The following SPECC1 variants were observed in gnomAD, a reference collection of about 807,000 sequenced individuals.
SPECC1 encodes the protein sperm antigen with calponin homology and coiled-coil domains 1.
SPECC1 carries 62 observed loss-of-function variants against 104.1 expected under a neutral mutation model. The ratio of observed to expected loss-of-function variants is 0.60; its 90% CI spans 0.49 to 0.74. The LOEUF is 0.74. SPECC1 is among the 30% of genes least tolerant of loss of function. The pLI, the probability that SPECC1 is intolerant of heterozygous loss-of-function variation, is 0.00. For synonymous variants in SPECC1, 513 were observed against 501.6 expected (o/e 1.02, Z -0.30); for missense variants, 1,306 against 1,310.5 (o/e 1.00, Z 0.05).
chr17:20,044,214 T>A (rs1597607396), intron 1 of SPECC1, among the ~76,000 whole-genome samples: 1 of 152,206 alleles, frequency 6.6e-6, no homozygotes. Flanking sequence ...AGAACTTGTT[T>A]CTCTTGCTGA....
intron 3 of SPECC1, among the ~76,000 whole-genome samples, chr17:20,186,597 C>G (rs1333683500): frequency 6.6e-6 from 1 of 152,202 alleles, no homozygotes; most frequent in Admixed American, 6.5e-5. Flanking sequence ...GGGTCTCACT[C>G]CCATCGCTCA....
intron 7 of SPECC1, among the ~76,000 whole-genome samples, chr17:20,239,878 G>GTTT (rs60216339): frequency 1.9e-4 from 7 of 36,946 alleles, no homozygotes; most frequent in African/African-American, 3.6e-4. Context: ...ATTTCGCTGA[G>GTTT]TTTTTTTTTT....
chr17:20,023,965 G>A (rs1258172053), intron 1 of SPECC1, among the ~76,000 whole-genome samples: 4 of 152,164 alleles, frequency 2.6e-5, no homozygotes, highest in South Asian at 4.1e-4. Flanking sequence ...CCAAATTTAC[G>A]TGTGATGTGT....
In SPECC1 at chr17:20,009,914, T is replaced by G. The variant is rs2043876303; in HGVS notation, c.-22+490T>G. The G allele has an allele frequency of 6.6e-6, 1 of 152,362 alleles. No individual in the cohort carries two copies. The highest frequency in any genetic ancestry group is 2.1e-4 in the South Asian group (1 of 4,838). The allele number at this position is 152,362 out of a possible 1,614,324, so 9.4% of individuals were successfully genotyped here. On this transcript the variant is annotated intron_variant, in intron 1 of 14. Transcript: ENST00000395527. This position sits in a 1 kb window ranked among gnomAD's most constrained non-coding sequence, Gnocchi z 5.2. ...CGTGGTGCAGAGGACCGAGAAGCCCTTCGCCCTCGGCGTCCGCCGCGCTCC... is the reference window on the plus strand; with the variant it reads ...CGTGGTGCAGAGGACCGAGAAGCCCGTCGCCCTCGGCGTCCGCCGCGCTCC...
At chr17:20,270,560 C>A (rs1329972256) in intron 12 of SPECC1, among the ~76,000 whole-genome samples, 2 of 149,738 alleles carry the variant, frequency 1.3e-5, no homozygotes, top group Non-Finnish European at 3.0e-5. Flanking sequence ...TCAAGGCCTC[C>A]GTGAGCTATG....
At chr17:20,230,099 C>T (rs2038480005) in intron 5 of SPECC1, among the ~76,000 whole-genome samples, 1 of 151,880 alleles carries the variant, frequency 6.6e-6, no homozygotes. Flanking sequence ...GTTGATGAGC[C>T]TGGCTTGTTT....
chr17:20,183,869 T>C (rs923103301), intron 3 of SPECC1, among the ~76,000 whole-genome samples: 3 of 152,076 alleles, frequency 2.0e-5, no homozygotes, highest in Admixed American at 1.3e-4. Flanking sequence ...TATGAAATTT[T>C]ATTAAATAAG....
intron 14 of SPECC1, among the ~76,000 whole-genome samples, chr17:20,312,886 T>G (rs1238212086): frequency 6.6e-6 from 1 of 152,218 alleles, no homozygotes; most frequent in Non-Finnish European, 1.5e-5. Flanking sequence ...AGGGGATGAA[T>G]GGCTCATTAA....
At chr17:20,215,443 TG>T (rs1229595165) in intron 4 of SPECC1, among the ~76,000 whole-genome samples, 1 of 152,184 alleles carries the variant, frequency 6.6e-6, no homozygotes, top group Non-Finnish European at 1.5e-5. Flanking sequence ...GAGGCAGTTA[TG>T]GGGGGTTTAT....
chr17:20,300,200 A>G (rs1370727725), intron 13 of SPECC1, among the ~76,000 whole-genome samples: 1 of 152,178 alleles, frequency 6.6e-6, no homozygotes, highest in Non-Finnish European at 1.5e-5. Context: ...CACACCTGGG[A>G]ACCCCAGTGT....
intron 3 of SPECC1, among the ~76,000 whole-genome samples, chr17:20,133,082 A>G (rs1018223653): frequency 5.9e-5 from 9 of 151,918 alleles, no homozygotes; most frequent in African/African-American, 1.9e-4. Flanking sequence ...ATCCTTTTTG[A>G]GTCTGTGGAG....
chr17:20,237,307 T>A, intron 7 of SPECC1: 2 of 1,062,030 alleles, frequency 1.9e-6, no homozygotes, highest in Non-Finnish European at 2.2e-6. Context: ...TTGTTGTTGT[T>A]TTGTTTTGTT....
At chr17:20,190,444 A>G (rs966789872) in intron 3 of SPECC1, among the ~76,000 whole-genome samples, 1 of 152,078 alleles carries the variant, frequency 6.6e-6, no homozygotes, top group African/African-American at 2.4e-5. Context: ...CTCTTCTCAA[A>G]GGTAAACACT....
At chr17:20,191,854 C>A (rs565572820) in intron 3 of SPECC1, among the ~76,000 whole-genome samples, 18 of 152,178 alleles carry the variant, frequency 1.2e-4, no homozygotes, top group African/African-American at 4.3e-4. Context: ...AGCAGCTTTT[C>A]ATAGCTCATT....
Position 20,189,397 on chromosome 17 carries a change from A to G in SPECC1, c.284-14936A>G, listed in dbSNP as rs185710736. Among the ~76,000 whole-genome samples, 8 of 152,302 alleles carry G rather than the reference A, an allele frequency of 5.3e-5. No individual in the cohort carries two copies. In the South Asian group the frequency reaches 8.3e-4, roughly 16 times the overall value. The stretch of plus-strand genomic sequence containing the variant: ...CGCTCCTCCAGCCACTTCAGTTTCA[A>G]TGGAAATTTGATGTCCCTGCCTGCT... On this transcript the variant is annotated intron_variant, in intron 3 of 14. Transcript: ENST00000395527.
chr17:20,222,060 G>A (rs1024650018), intron 4 of SPECC1, among the ~76,000 whole-genome samples: 12 of 150,258 alleles, frequency 8.0e-5, no homozygotes, highest in African/African-American at 2.2e-4. Context: ...AGGGCCAGGC[G>A]TGGTGGTTCA....
rs567818819 is a variant in SPECC1, at chr17:20,048,410, G to T, written c.-22+38986G>T. Among the ~76,000 whole-genome samples, 3 of 151,712 alleles carry T rather than the reference G, an allele frequency of 2.0e-5. No individual in the cohort carries two copies. The South Asian group carries it at 6.3e-4, about 32-fold the overall frequency. The stretch of plus-strand genomic sequence containing the variant: ...GGCCTCCCAAAGTGCTGGGATTACA[G>T]GTGTGAGCCACTGCGCCCAGCCGAG... On this transcript the variant is annotated intron_variant, in intron 1 of 14. Transcript: ENST00000395527.
chr17:20,118,104 CAATAAATAAATAATA>C (rs950541631), intron 3 of SPECC1, among the ~76,000 whole-genome samples: 1 of 142,650 alleles, frequency 7.0e-6, no homozygotes, highest in South Asian at 2.1e-4. Flanking sequence ...CCCTGTCTCA[CAATAAATAAATAATA>C]AATAAATAAA....
At chr17:20,272,081 G>A (rs369488526) in intron 12 of SPECC1, among the ~76,000 whole-genome samples, 8 of 151,900 alleles carry the variant, frequency 5.3e-5, no homozygotes, top group African/African-American at 1.9e-4. Context: ...TTGCTCTATA[G>A]CTTAAGTTTT....
Sources: allele counts gnomAD v4.1 joint callset (sites outside exome capture counted in the v4.1 genomes callset), GRCh38; gene constraint gnomAD v4.1.1; non-coding constraint Gnocchi (gnomAD v3.1); transcripts MANE v1.5; gene names NCBI Gene and HGNC (gene_info 2026-07-23, HGNC 2026-07-21).